Variants in SLC9B1 observed in about 807,000 individuals in gnomAD.
SLC9B1 encodes the protein sodium/hydrogen exchanger 9B1.
Under a neutral mutation model 51.7 loss-of-function variants are expected in SLC9B1, and 32 were observed. The observed-to-expected ratio is 0.62, with a 90% CI of 0.47 to 0.83. The LOEUF (loss-of-function observed/expected upper bound fraction) is 0.83. SLC9B1 is among the 40% of genes least tolerant of loss of function. The pLI, the probability that SLC9B1 is intolerant of heterozygous loss-of-function variation, is 0.00. For missense variants in SLC9B1, 406 were observed against 613.2 expected, an observed-to-expected ratio of 0.66 and a Z score of 3.57; for synonymous variants, 145 against 212.7, an observed-to-expected ratio of 0.68 and a Z score of 2.77.
chr4:102,978,063 G>GT (rs1394651013), intron 3 of SLC9B1, among the ~76,000 whole-genome samples: 1 of 152,088 alleles, frequency 6.6e-6, no homozygotes, highest in Non-Finnish European at 1.5e-5. Flanking sequence ...GAGGTGTTTG[G>GT]TTTTTTGTCC....
At chr4:102,887,225 A>C in intron 11 of SLC9B1, 2 of 671,606 alleles carry the variant, frequency 3.0e-6, no homozygotes, top group Non-Finnish European at 5.4e-6. Context: ...ACTCAGGAAA[A>C]CGATCTGATT....
At chr4:102,919,517 T>C (rs1395248048) in intron 7 of SLC9B1, among the ~76,000 whole-genome samples, 1 of 152,178 alleles carries the variant, frequency 6.6e-6, no homozygotes, top group Non-Finnish European at 1.5e-5. Flanking sequence ...ATTTCTGCAC[T>C]TCCAACTGAG....
chr4:102,937,162 G>A (rs1429914341), intron 6 of SLC9B1, among the ~76,000 whole-genome samples: 1 of 151,962 alleles, frequency 6.6e-6, no homozygotes. Context: ...GAGTGGACTG[G>A]TGCTATCTTG....
At chr4:102,946,981 G>A (rs1207001281) in intron 4 of SLC9B1, among the ~76,000 whole-genome samples, 192 bp from the exon 5 acceptor site, 2 of 152,174 alleles carry the variant, frequency 1.3e-5, no homozygotes, top group Non-Finnish European at 2.9e-5. Flanking sequence ...GGTTCAACAA[G>A]TAAGTTAGTG....
chr4:102,901,881 G>A (rs1042754703), intron 11 of SLC9B1, among the ~76,000 whole-genome samples: 25 of 152,148 alleles, frequency 1.6e-4, no homozygotes, highest in Admixed American at 1.2e-3. Flanking sequence ...TTGTACAAAT[G>A]ACTCACACTC....
At chr4:102,918,812 T>G (rs1735716393) in intron 7 of SLC9B1, among the ~76,000 whole-genome samples, 1 of 152,234 alleles carries the variant, frequency 6.6e-6, no homozygotes, top group African/African-American at 2.4e-5. Flanking sequence ...AAATTTCTGT[T>G]GTTCATAAAT....
chr4:102,993,612 C>A (rs1740065446), intron 1 of SLC9B1, among the ~76,000 whole-genome samples: 1 of 152,214 alleles, frequency 6.6e-6, no homozygotes, highest in African/African-American at 2.4e-5. Flanking sequence ...ACAGCTCCTC[C>A]AGGTAGTGCC....
intron 3 of SLC9B1, among the ~76,000 whole-genome samples, chr4:102,987,713 T>G (rs962677262): frequency 1.3e-5 from 2 of 152,260 alleles, no homozygotes; most frequent in Admixed American, 1.3e-4. Context: ...GCCTCTCCCA[T>G]CCCATAATTG....
intron 3 of SLC9B1, among the ~76,000 whole-genome samples, chr4:102,956,736 CA>C (rs775717446): frequency 5.9e-5 from 9 of 152,112 alleles, no homozygotes; most frequent in Non-Finnish European, 1.2e-4. Flanking sequence ...AAAACAATCA[CA>C]AATAAAAACC....
chr4:102,983,994 T>C (rs1419483851), intron 3 of SLC9B1, among the ~76,000 whole-genome samples: 1 of 152,138 alleles, frequency 6.6e-6, no homozygotes, highest in African/African-American at 2.4e-5. Flanking sequence ...AGATCTTTCT[T>C]TTTTTCTATT....
intron 3 of SLC9B1, among the ~76,000 whole-genome samples, chr4:102,967,282 T>G (rs1403243932): frequency 2.0e-5 from 3 of 152,236 alleles, no homozygotes; most frequent in African/African-American, 7.2e-5. Flanking sequence ...TCCTTCAAAC[T>G]TGTCCAACTT....
chr4:102,937,279 T>C (rs1736767064), intron 6 of SLC9B1, among the ~76,000 whole-genome samples: 1 of 151,680 alleles, frequency 6.6e-6, no homozygotes, highest in Non-Finnish European at 1.5e-5. Flanking sequence ...TTTTTTGTAA[T>C]TTTAGTAGAG....
chr4:102,949,481 A>C, intron 3 of SLC9B1, 54 bp from the exon 4 acceptor site: 1 of 1,369,546 alleles, frequency 7.3e-7, no homozygotes, highest in Non-Finnish European at 9.6e-7. Context: ...AGATGTATAC[A>C]AACAAAGGAT....
chr4:102,912,033 T>C, intron 7 of SLC9B1: 1 of 202,560 alleles, frequency 4.9e-6, no homozygotes, highest in Non-Finnish European at 1.1e-5. Flanking sequence ...CTCGGGAGGC[T>C]GAGGGAGGAG....
chr4:102,939,143 G>GA lies in SLC9B1; in HGVS notation c.653+6049dup, dbSNP rs1239886922. 5.3e-3 allele frequency among the ~76,000 whole-genome samples: 724 copies of GA among 136,078 alleles called. 6 individuals carry two copies. The highest frequency in any genetic ancestry group is 0.012 in the African/African-American group (457 of 36,998). The allele number at this position is 136,078 out of a possible 152,430, so 89.3% of individuals were successfully genotyped here. A position where few individuals can be genotyped will look rare whatever the true frequency, so the allele number is the denominator to read the frequency against. ...ATAGGTCACTAGCTAGACCAATAAG[G>GA]AAAAAAAAAAAAGAGAGAGAGAAGA... On this transcript the variant is annotated intron_variant, in intron 6 of 11. Coordinates refer to ENST00000296422, the MANE Select transcript of SLC9B1 (RefSeq NM_139173.4).
chr4:102,895,816 T>G (rs1037396320), intron 11 of SLC9B1, among the ~76,000 whole-genome samples: 21 of 152,190 alleles, frequency 1.4e-4, no homozygotes, highest in African/African-American at 4.6e-4. Flanking sequence ...CTAAAAGAAA[T>G]GAGTAAAACA....
intron 3 of SLC9B1, among the ~76,000 whole-genome samples, chr4:102,981,076 C>G (rs1341713305): frequency 2.0e-5 from 3 of 152,118 alleles, no homozygotes; most frequent in African/African-American, 4.8e-5. Context: ...GTTAGAATGT[C>G]ATATAGTTGG....
intron 1 of SLC9B1, among the ~76,000 whole-genome samples, chr4:103,009,712 A>G (rs1438478674): frequency 6.6e-6 from 1 of 152,226 alleles, no homozygotes; most frequent in Admixed American, 6.5e-5. Flanking sequence ...GGTAAAACAT[A>G]TGCATCAACA....
In SLC9B1 at chr4:102,908,471, T is replaced by A. The variant is rs1227291427; in HGVS notation, c.1087-1827A>T. Reference sequence around the variant, plus strand: ...TTAACTTACAAACTGTATGTGTGTGTGTATATATATAAATAGTTTGTAAGA... The same window carrying A: ...TTAACTTACAAACTGTATGTGTGTGAGTATATATATAAATAGTTTGTAAGA... On this transcript the variant is annotated intron_variant, in intron 9 of 11. Transcript: ENST00000296422. 2.6e-5 allele frequency among the ~76,000 whole-genome samples: 4 copies of A among 152,384 alleles called. No homozygotes were observed. In the East Asian group the frequency reaches 5.8e-4, roughly 22 times the overall value.
Sources: allele counts gnomAD v4.1 joint callset (sites outside exome capture counted in the v4.1 genomes callset), GRCh38; gene constraint gnomAD v4.1.1; transcripts MANE v1.5; gene names NCBI Gene and HGNC (gene_info 2026-07-23, HGNC 2026-07-21).